Variants in IFNLR1 observed in about 807,000 individuals in gnomAD.
IFNLR1 encodes the protein interferon lambda receptor 1.
Under a neutral mutation model 52.5 loss-of-function variants are expected in IFNLR1, and 28 were observed. That is an observed-to-expected ratio of 0.53 (90% CI 0.40 to 0.73). The LOEUF (loss-of-function observed/expected upper bound fraction) is 0.73. Ranked by LOEUF, IFNLR1 falls within the 30% of genes least tolerant of loss-of-function variation. The pLI is 0.00. For synonymous variants in IFNLR1, 276 were observed against 274.9 expected (o/e 1.00, Z -0.04); for missense variants, 623 against 659.1 (o/e 0.95, Z 0.60).
At chr1:24,175,794 C>T (rs766958842) in intron 2 of IFNLR1, among the ~76,000 whole-genome samples, 9 of 151,976 alleles carry the variant, frequency 5.9e-5, no homozygotes, top group African/African-American at 1.9e-4. Flanking sequence ...ATTAGCCAGG[C>T]GTGGTGGCGC....
chr1:24,161,632 A>G lies in IFNLR1; in HGVS notation c.420T>C (p.Ser140=). 6.5e-7 allele frequency: 1 copy of G among 1,546,932 alleles called. No homozygotes were observed. Among genetic ancestry groups the G allele is most frequent in the Non-Finnish European group, 8.7e-7 (1 of 1,144,096 alleles). Residue 140 remains serine (S), a synonymous_variant, in exon 4 of 7, where the codon AGT becomes AGC. Transcript: ENST00000327535. ...GGGGCAGCTGGTACGTGGCATTGGC[A>G]CTCAGGATCTCCTCCGTCTGGGTGA... ...LVLTQTEEIL[S]ANATYQLPPC... is the part of the protein sequence containing the mutation.
chr1:24,159,035 C>A lies in IFNLR1; in HGVS notation c.801+17G>T, dbSNP rs768653263. Reference sequence around the variant, plus strand: ...CAACCCCTCCCCACCTGCTGCACACCCCCAGATTTGCTATACCAGGGCCCG... The same window carrying A: ...CAACCCCTCCCCACCTGCTGCACACACCCAGATTTGCTATACCAGGGCCCG... On this transcript the variant is annotated intron_variant, in intron 6 of 6. Transcript: ENST00000327535. 1 of 1,612,824 alleles carries A rather than the reference C, an allele frequency of 6.2e-7. No homozygotes were observed. The highest frequency in any genetic ancestry group is 1.7e-5 in the Admixed American group (1 of 59,886).
intron 2 of IFNLR1, among the ~76,000 whole-genome samples, chr1:24,180,369 G>A (rs563981715): frequency 2.0e-5 from 3 of 151,472 alleles, no homozygotes; most frequent in African/African-American, 7.3e-5. Flanking sequence ...CAGCTCCTCT[G>A]CTGTGTACCT....
chr1:24,173,094 T>C (rs79145262), intron 2 of IFNLR1, among the ~76,000 whole-genome samples: 275 of 144,534 alleles, frequency 1.9e-3, no homozygotes, highest in East Asian at 0.015. Context: ...CCTGATATAC[T>C]GGATTTTATC....
At chr1:24,169,304 T>C in intron 3 of IFNLR1, 113 bp downstream of exon 3, 1 of 1,023,200 alleles carries the variant, frequency 9.8e-7, no homozygotes, top group Non-Finnish European at 1.4e-6. Context: ...AGCTGCCCTC[T>C]GCTTTGGGGA....
In IFNLR1 at chr1:24,155,541, T is replaced by C. The variant is rs1190593362; in HGVS notation, c.*1589A>G. On this transcript the variant is annotated 3_prime_UTR_variant, in exon 7 of 7. Transcript: ENST00000327535. ...GTGAATCAGGGCACAGTGAGGCTGC[T>C]CTGGTGAAAGTGGGAGGCTCCTATA... 1 of 152,206 alleles carries C rather than the reference T, an allele frequency of 6.6e-6. No homozygotes were observed. The highest frequency in any genetic ancestry group is 1.5e-5 in the Non-Finnish European group (1 of 68,044). 9.4% of individuals were successfully genotyped at this position (152,206 alleles called of 1,614,324 possible). A position where few individuals can be genotyped will look rare whatever the true frequency, so the allele number is the denominator to read the frequency against.
At chr1:24,170,583 C>T (rs1644569041) in intron 2 of IFNLR1, among the ~76,000 whole-genome samples, 1 of 152,194 alleles carries the variant, frequency 6.6e-6, no homozygotes, top group South Asian at 2.1e-4. Context: ...TGGTCTCCAA[C>T]TCCTGACCTC....
chr1:24,165,666 C>T (rs956398861), intron 3 of IFNLR1, among the ~76,000 whole-genome samples: 3 of 152,198 alleles, frequency 2.0e-5, no homozygotes, highest in African/African-American at 7.2e-5. Flanking sequence ...TTCCCTGATT[C>T]CCAGCCAGCA....
At chr1:24,177,752 C>A (rs1009941487) in intron 2 of IFNLR1, among the ~76,000 whole-genome samples, 1 of 152,190 alleles carries the variant, frequency 6.6e-6, no homozygotes, top group Non-Finnish European at 1.5e-5. Flanking sequence ...CCATCACAAA[C>A]CCTTTGGGCG....
At chr1:24,187,141 C>G in intron 1 of IFNLR1, 50 bp downstream of exon 1, 2 of 1,241,990 alleles carry the variant, frequency 1.6e-6, no homozygotes, top group Non-Finnish European at 2.1e-6. Flanking sequence ...AGGCGCGGCC[C>G]GGCCCGGGGA....
chr1:24,169,286 G>A (rs1364288721), intron 3 of IFNLR1, 131 bp downstream of exon 3: 33 of 806,350 alleles, frequency 4.1e-5, no homozygotes, highest in Non-Finnish European at 6.1e-5. Context: ...AAAGGGCCTG[G>A]CCCAGGGAGC....
rs1221956393 is a variant in IFNLR1, at chr1:24,162,801, TTTTTTCTTTCTTTTTTTC to T, written c.368-1135_368-1118del. Among the ~76,000 whole-genome samples, 158 of 83,130 alleles carry T rather than the reference TTTTTTCTTTCTTTTTTTC, an allele frequency of 1.9e-3. 10 individuals carry two copies. The highest frequency in any genetic ancestry group is 2.4e-3 in the Non-Finnish European group (96 of 39,346). The allele number at this position is 83,130 out of a possible 152,430, so 54.5% of individuals were successfully genotyped here. ...CTTTTTCTTTCTTTTTCTTTCTTTC[TTTTTTCTTTCTTTTTTTC>T]TTCTTTCTTTCTTTTCTTTCTTTCT... On this transcript the variant is annotated intron_variant, in intron 3 of 6. Transcript: ENST00000327535.
Position 24,157,898 on chromosome 1 carries a change from T to A in IFNLR1, c.802-7A>T. The A allele has an allele frequency of 6.5e-7, 1 of 1,546,276 alleles. No individual in the cohort carries two copies. The highest frequency in any genetic ancestry group is 8.7e-7 in the Non-Finnish European group (1 of 1,149,494). ...GTGTGTGTCCAGAAAAGTCCTGATT[T>A]GGGTAGGGGAGAGAAAAGCAGAAAA... On this transcript the variant is annotated splice_polypyrimidine_tract_variant and splice_region_variant and intron_variant, in intron 6 of 6. Coordinates refer to ENST00000327535, the MANE Select transcript of IFNLR1 (RefSeq NM_170743.4). The surrounding 1 kb of genome is among the most constrained non-coding windows in gnomAD (Gnocchi z 5.1).
intron 2 of IFNLR1, 41 bp downstream of exon 2, chr1:24,180,690 C>CCCCCCT: frequency 7.0e-7 from 1 of 1,421,166 alleles, no homozygotes; most frequent in South Asian, 1.2e-5. Flanking sequence ...CCACCCACCC[C>CCCCCCT]CTCAGTCTTC....
intron 2 of IFNLR1, among the ~76,000 whole-genome samples, chr1:24,176,361 G>T (rs1644632691): frequency 6.6e-6 from 1 of 152,248 alleles, no homozygotes; most frequent in African/African-American, 2.4e-5. Context: ...GTGGATGAGG[G>T]AACTTTCTGG....
intron 2 of IFNLR1, among the ~76,000 whole-genome samples, chr1:24,178,918 A>G (rs1644660965): frequency 7.6e-6 from 1 of 131,032 alleles, no homozygotes; most frequent in South Asian, 2.1e-4. Flanking sequence ...TATAAAAGAC[A>G]TGAAAAATAT....
In IFNLR1 at chr1:24,180,781, G is replaced by T; in HGVS notation, c.132C>A (p.Leu44=). 6.2e-7 allele frequency: 1 copy of T among 1,613,912 alleles called. No individual in the cohort carries two copies. Among genetic ancestry groups the T allele is most frequent in the South Asian group, 1.1e-5 (1 of 91,054 alleles). ...CATCCTGGGGGTTGCCAAGCCCTGG[G>T]AGCCATGTCAGGTACACGCTGAAGT... ...SQNFSVYLTW[L]PGLGNPQDVT... Residue 44 remains leucine (L), a synonymous_variant, in exon 2 of 7, where the codon CTC becomes CTA. Coordinates refer to ENST00000327535, the MANE Select transcript of IFNLR1 (RefSeq NM_170743.4).
At chr1:24,184,369 A>G (rs1644717884) in intron 1 of IFNLR1, among the ~76,000 whole-genome samples, 1 of 152,166 alleles carries the variant, frequency 6.6e-6, no homozygotes. Context: ...ATCTTCTGAA[A>G]TACGCATCTG....
At chr1:24,178,596 T>C (rs1196090648) in intron 2 of IFNLR1, among the ~76,000 whole-genome samples, 1 of 152,062 alleles carries the variant, frequency 6.6e-6, no homozygotes, top group African/African-American at 2.4e-5. Flanking sequence ...AGACTCCCAC[T>C]GGACAGAGAT....
Sources: gnomAD v4.1 joint callset for allele counts (sites outside exome capture counted in the v4.1 genomes callset) on GRCh38, gnomAD v4.1.1 for gene constraint, Gnocchi (gnomAD v3.1) non-coding constraint, MANE v1.5 for transcripts, NCBI Gene and HGNC (gene_info 2026-07-23, HGNC 2026-07-21) for gene names.